The following EDA variants were observed in gnomAD, a reference collection of about 807,000 sequenced individuals.
EDA encodes ectodysplasin A.
In EDA, 2 loss-of-function variants were observed where a neutral mutation model predicts 23.6. That is an observed-to-expected ratio of 0.08 (90% CI 0.03 to 0.27). The LOEUF (loss-of-function observed/expected upper bound fraction) is 0.27. Among genes scored for constraint, EDA ranks in the 10% least tolerant of loss-of-function variants. The pLI is 1.00. For missense variants in EDA, 229 were observed against 324.2 expected (o/e 0.71, Z 2.26); for synonymous variants, 131 against 132.0 (o/e 0.99, Z 0.05).
At chrX:70,023,130 TG>T in intron 2 of EDA, 87 bp from the exon 3 acceptor site, 1 of 612,583 alleles carries the variant, frequency 1.6e-6, no homozygotes, top group South Asian at 3.0e-5. Flanking sequence ...TGCAGTGTCT[TG>T]GGGATCCCTC....
At chrX:69,867,618 G>A (rs1433594112) in intron 1 of EDA, among the ~76,000 whole-genome samples, 2 of 112,446 alleles carry the variant, frequency 1.8e-5, no homozygotes, top group Non-Finnish European at 3.8e-5. Context: ...CTTCAGGGAT[G>A]TCCTAGAAAG....
At position 70,030,922 on chromosome X, in the gene EDA, G is replaced by T. The variant is rs762204365; in HGVS notation, c.793+402G>T. Among the ~76,000 whole-genome samples the T allele has an allele frequency of 5.3e-5, 6 of 112,751 alleles. No homozygotes were observed. In the South Asian group the frequency reaches 1.8e-3, roughly 35 times the overall value. ...ATCTACACAGGTGGGCAGACAGGCT[G>T]CATCTCTCAGGGAAGGTGGGGCATG... On this transcript the variant is annotated intron_variant, in intron 6 of 7. Transcript: ENST00000374552.
chrX:69,779,556 A>G (rs1175773352), intron 1 of EDA, among the ~76,000 whole-genome samples: 3 of 111,287 alleles, frequency 2.7e-5, no homozygotes, highest in African/African-American at 9.8e-5. Flanking sequence ...CTTCGTGGGT[A>G]TGGAGTCACC....
intron 1 of EDA, among the ~76,000 whole-genome samples, chrX:69,863,129 C>T (rs984760520): frequency 3.5e-4 from 38 of 109,632 alleles, no homozygotes; most frequent in African/African-American, 9.9e-4. Context: ...AAATTGGTAC[C>T]CAGTGAATTG....
intron 2 of EDA, among the ~76,000 whole-genome samples, chrX:69,972,660 C>T (rs1244496518): frequency 9.0e-6 from 1 of 111,565 alleles, no homozygotes; most frequent in African/African-American, 3.3e-5. Context: ...GCTTCTTGAT[C>T]TCTCAGCCTC....
At chrX:69,673,609 G>A (rs1159570676) in intron 1 of EDA, among the ~76,000 whole-genome samples, 1 of 111,462 alleles carries the variant, frequency 9.0e-6, no homozygotes, top group Non-Finnish European at 1.9e-5. Context: ...TCATTTAGAA[G>A]CAAAGTTATT....
intron 1 of EDA, among the ~76,000 whole-genome samples, chrX:69,764,284 C>G (rs2014405682): frequency 2.5e-5 from 2 of 79,476 alleles, no homozygotes; most frequent in Admixed American, 4.0e-4. Context: ...ACTCTGTTGC[C>G]CAGGCTAAAG....
intron 1 of EDA, among the ~76,000 whole-genome samples, chrX:69,706,287 G>T (rs1656537732): frequency 8.9e-6 from 1 of 112,004 alleles, no homozygotes; most frequent in South Asian, 3.7e-4. Flanking sequence ...TTTGACGAAG[G>T]CATAGAGTGG....
chrX:69,948,439 C>T (rs779542595), intron 1 of EDA, among the ~76,000 whole-genome samples: 2 of 111,787 alleles, frequency 1.8e-5, no homozygotes, highest in South Asian at 7.6e-4. Context: ...ACATGGCAAT[C>T]CCTGGCACTC....
chrX:70,027,138 T>TA (rs1391194649), intron 3 of EDA, among the ~76,000 whole-genome samples: 2 of 112,246 alleles, frequency 1.8e-5, no homozygotes, highest in African/African-American at 3.2e-5. Context: ...CCCATAGGTC[T>TA]AATCACTTGG....
intron 1 of EDA, among the ~76,000 whole-genome samples, chrX:69,753,401 T>G (rs976351285): frequency 2.7e-5 from 3 of 112,253 alleles, no homozygotes; most frequent in Admixed American, 9.4e-5. Context: ...GTGAGTTTCT[T>G]AATCCTGAGT....
intron 1 of EDA, among the ~76,000 whole-genome samples, chrX:69,935,097 C>G (rs1488382971): frequency 1.8e-5 from 2 of 111,780 alleles, no homozygotes; most frequent in Admixed American, 9.5e-5. Context: ...CCATTTCCCT[C>G]CATGTTGTTG....
At chrX:69,781,254 T>G (rs1344638204) in intron 1 of EDA, among the ~76,000 whole-genome samples, 3 of 111,450 alleles carry the variant, frequency 2.7e-5, no homozygotes, top group Non-Finnish European at 5.7e-5. Context: ...TTGTAACAAA[T>G]TCTACCTAGG....
At chrX:69,977,305 C>A (rs1335341337) in intron 2 of EDA, among the ~76,000 whole-genome samples, 1 of 111,673 alleles carries the variant, frequency 9.0e-6, no homozygotes, top group Non-Finnish European at 1.9e-5. Flanking sequence ...TATCATTTTT[C>A]TTCTAGCCTG....
chrX:69,827,299 C>T (rs1037889043), intron 1 of EDA, among the ~76,000 whole-genome samples: 119 of 112,153 alleles, frequency 1.1e-3, no homozygotes, highest in Non-Finnish European at 3.8e-4. Context: ...GACTGTTTTC[C>T]AACTTGGTTC....
intron 1 of EDA, chrX:69,861,121 A>G: frequency 2.7e-6 from 1 of 369,480 alleles, no homozygotes; most frequent in Non-Finnish European, 4.8e-6. Flanking sequence ...TGTACTTCAC[A>G]GAAGAAGAAA....
At chrX:69,763,991 G>T (rs1415106273) in intron 1 of EDA, among the ~76,000 whole-genome samples, 1 of 110,569 alleles carries the variant, frequency 9.0e-6, no homozygotes, top group East Asian at 2.9e-4. Context: ...TTTTGATTAG[G>T]TATTAGTAGA....
chrX:69,765,880 C>T (rs1453667313), intron 1 of EDA, among the ~76,000 whole-genome samples: 1 of 111,653 alleles, frequency 9.0e-6, no homozygotes, highest in Non-Finnish European at 1.9e-5. Context: ...TGCTCCCTAC[C>T]ATTCTTCACT....
chrX:69,968,623 A>G (rs948222574), intron 2 of EDA, among the ~76,000 whole-genome samples: 1 of 112,034 alleles, frequency 8.9e-6, no homozygotes, highest in Non-Finnish European at 1.9e-5. Flanking sequence ...TAGCCTCCAT[A>G]CACAGAAATA....
Sources: allele counts gnomAD v4.1 joint callset (sites outside exome capture counted in the v4.1 genomes callset), GRCh38; gene constraint gnomAD v4.1.1; transcripts MANE v1.5; gene names NCBI Gene and HGNC (gene_info 2026-07-23, HGNC 2026-07-21).